CHAT: variants seen among roughly 807,000 people sequenced by gnomAD.
The protein encoded by CHAT is choline O-acetyltransferase, also known as acetyl CoA:choline O-acetyltransferase.
A neutral mutation model predicts 76.9 loss-of-function variants in CHAT; 61 were observed. The ratio of observed to expected loss-of-function variants is 0.79; its 90% CI spans 0.65 to 0.98. CHAT has a LOEUF of 0.98. CHAT is among the 50% of genes least tolerant of loss of function. The pLI, the probability that CHAT is intolerant of heterozygous loss-of-function variation, is 0.00. For synonymous variants in CHAT, 407 were observed against 397.4 expected (o/e 1.02, Z -0.29); for missense variants, 946 against 986.9 (o/e 0.96, Z 0.56).
At chr10:49,631,311 C>T (rs957329057) in intron 7 of CHAT, among the ~76,000 whole-genome samples, 3 of 152,184 alleles carry the variant, frequency 2.0e-5, no homozygotes, top group Admixed American at 6.5e-5. Context: ...CTTGGCTTGT[C>T]GATGCCACCT....
intron 13 of CHAT, among the ~76,000 whole-genome samples, chr10:49,660,937 C>T (rs1426244167): frequency 6.6e-6 from 1 of 152,148 alleles, no homozygotes; most frequent in Non-Finnish European, 1.5e-5. Flanking sequence ...GTTCCAATGG[C>T]AAGGTGGTCC....
At chr10:49,611,628 C>A, upstream of CHAT, 1 of 1,611,682 alleles carries the variant, frequency 6.2e-7, no homozygotes, top group Non-Finnish European at 8.5e-7. Flanking sequence ...TGGTGGCCGG[C>A]GCGCTCACCA....
chr10:49,638,873 C>T (rs1839381185), intron 7 of CHAT, among the ~76,000 whole-genome samples: 1 of 152,206 alleles, frequency 6.6e-6, no homozygotes, highest in African/African-American at 2.4e-5. Flanking sequence ...ATTTACCTTT[C>T]CTATTGTTCT....
chr10:49,632,356 G>T (rs1839154380), intron 7 of CHAT, among the ~76,000 whole-genome samples: 1 of 152,142 alleles, frequency 6.6e-6, no homozygotes. Flanking sequence ...CAGGGTGGTT[G>T]CCTAGTGTGG....
At chr10:49,641,395 C>G (rs1219497623) in intron 7 of CHAT, among the ~76,000 whole-genome samples, 1 of 152,136 alleles carries the variant, frequency 6.6e-6, no homozygotes, top group Non-Finnish European at 1.5e-5. Context: ...ATAAAATGTC[C>G]AAGTTTTTAG....
chr10:49,614,817 G>A (rs932961047), intron 1 of CHAT, among the ~76,000 whole-genome samples: 1 of 152,210 alleles, frequency 6.6e-6, no homozygotes, highest in African/African-American at 2.4e-5. Context: ...ATTGCTGGTT[G>A]GCAACCGCTT....
intron 7 of CHAT, among the ~76,000 whole-genome samples, chr10:49,644,856 G>A (rs947107080): frequency 5.3e-5 from 8 of 152,194 alleles, no homozygotes; most frequent in Non-Finnish European, 2.9e-5. Flanking sequence ...GCATTGAGAA[G>A]ACCTAGGGGA....
chr10:49,661,552 T>C (rs1040344716), intron 13 of CHAT: 2 of 152,208 alleles, frequency 1.3e-5, no homozygotes, highest in Non-Finnish European at 2.9e-5. Flanking sequence ...GTCAAATCCC[T>C]AAACGTGCCT....
intron 7 of CHAT, among the ~76,000 whole-genome samples, chr10:49,640,871 T>C (rs948278526): frequency 6.6e-6 from 1 of 152,266 alleles, no homozygotes; most frequent in Non-Finnish European, 1.5e-5. Context: ...TTTTTAACTA[T>C]ACCCACTTGT....
Position 49,646,562 on chromosome 10 carries a change from T to A in CHAT, c.1169T>A (p.Leu390Gln), listed in dbSNP as rs1049061686. 1.2e-6 allele frequency: 2 copies of A among 1,614,220 alleles called. No individual in the cohort carries two copies. The highest frequency in any genetic ancestry group is 3.3e-5 in the Admixed American group (2 of 60,032). Reference sequence around the variant, plus strand: ...GAGCGCTGCATCTGCCTTGTATGCCTGGACGCGCCAGGAGGCGTGGAGCTC... The same window carrying A: ...GAGCGCTGCATCTGCCTTGTATGCCAGGACGCGCCAGGAGGCGTGGAGCTC... ...MIERCICLVCLDAPGGVELSD... is the reference protein window; with the variant it reads ...MIERCICLVCQDAPGGVELSD... The change falls in exon 8 of 15, where the codon CTG becomes CAG. Residue 390 changes from leucine (L) to glutamine (Q), a missense_variant. By Grantham distance (113) the Leu-to-Gln change is moderately radical (BLOSUM62 -2). This residue lies in a region of CHAT where 49 missense variants were observed against 76.7 expected (regional missense o/e 0.64). Transcript: ENST00000337653.
In CHAT at chr10:49,644,294, G is replaced by A. The variant is rs984366527; in HGVS notation, c.1112-2211G>A. Among the ~76,000 whole-genome samples, 15 of 152,306 alleles carry A rather than the reference G, an allele frequency of 9.8e-5. No individual in the cohort carries two copies. In the East Asian group the frequency reaches 2.9e-3, roughly 29 times the overall value. ...TGTGAGGTCCACGCAGGGATCTAGG[G>A]TGGGAAGGAGGTGGCCATGGAGCCC... On this transcript the variant is annotated intron_variant, in intron 7 of 14. Coordinates refer to ENST00000337653, the MANE Select transcript of CHAT (RefSeq NM_020549.5).
At chr10:49,632,764 C>T (rs1367105199) in intron 7 of CHAT, among the ~76,000 whole-genome samples, 1 of 152,216 alleles carries the variant, frequency 6.6e-6, no homozygotes, top group Non-Finnish European at 1.5e-5. Flanking sequence ...ACCAGGATGA[C>T]TCCCTCCTGT....
upstream of CHAT, chr10:49,610,476 C>G: frequency 2.5e-6 from 1 of 398,108 alleles, no homozygotes; most frequent in East Asian, 3.7e-5. Flanking sequence ...GCCCCGGCCC[C>G]TCGGCGCGCC....
intron 7 of CHAT, among the ~76,000 whole-genome samples, chr10:49,640,321 C>T (rs1839437932): frequency 6.6e-6 from 1 of 152,100 alleles, no homozygotes; most frequent in Non-Finnish European, 1.5e-5. Context: ...TCTGTTGAAA[C>T]TTGGATATAT....
chr10:49,643,041 T>G (rs1387512220), intron 7 of CHAT, among the ~76,000 whole-genome samples: 3 of 152,186 alleles, frequency 2.0e-5, no homozygotes, highest in Non-Finnish European at 4.4e-5. Context: ...CTCCCTCCAC[T>G]TAGTGGATGA....
chr10:49,641,822 CA>C (rs1466716472), intron 7 of CHAT, among the ~76,000 whole-genome samples: 1 of 152,170 alleles, frequency 6.6e-6, no homozygotes, highest in Non-Finnish European at 1.5e-5. Flanking sequence ...CAAGCAAAGG[CA>C]AGTGTCCCAA....
chr10:49,609,408 G>C (rs932544283), upstream of CHAT, among the ~76,000 whole-genome samples: 1 of 152,082 alleles, frequency 6.6e-6, no homozygotes, highest in African/African-American at 2.4e-5. Flanking sequence ...AGGAGCCGAG[G>C]GAGGGCTTGG....
chr10:49,660,257 G>A (rs569467313), intron 13 of CHAT, among the ~76,000 whole-genome samples: 9 of 152,124 alleles, frequency 5.9e-5, no homozygotes, highest in South Asian at 4.1e-4. Context: ...TGGCTGACAC[G>A]GTGAAACCCC....
intron 7 of CHAT, among the ~76,000 whole-genome samples, chr10:49,633,178 A>G (rs952548635): frequency 2.6e-5 from 4 of 152,220 alleles, no homozygotes; most frequent in African/African-American, 9.6e-5. Flanking sequence ...AGGATTGTCT[A>G]GAGCATTCCT....
Sources: gnomAD v4.1 joint callset for allele counts (sites outside exome capture counted in the v4.1 genomes callset) on GRCh38, gnomAD v4.1.1 for gene constraint, gnomAD v4.1.1 regional missense constraint, MANE v1.5 for transcripts, NCBI Gene and HGNC (gene_info 2026-07-23, HGNC 2026-07-21) for gene names.